NUP153: variants seen among roughly 807,000 people sequenced by gnomAD.
The protein encoded by NUP153 is nucleoporin 153.
A neutral mutation model predicts 134.6 loss-of-function variants in NUP153; 27 were observed. The observed-to-expected ratio is 0.20, with a 90% CI of 0.15 to 0.28. The LOEUF is 0.28. Ranked by LOEUF, NUP153 falls within the 10% of genes least tolerant of loss-of-function variation. NUP153 has a pLI of 1.00. For missense variants in NUP153, 1,821 were observed against 1,731.3 expected (o/e 1.05, Z -0.92); for synonymous variants, 640 against 623.5 (o/e 1.03, Z -0.40).
In NUP153 at chr6:17,629,378, C is replaced by T; in HGVS notation, c.2821G>A (p.Gly941Arg). The T allele has an allele frequency of 6.2e-7, 1 of 1,613,816 alleles. No homozygotes were observed. The highest frequency in any genetic ancestry group is 8.5e-7 in the Non-Finnish European group (1 of 1,179,886). ...GFKIGVSSDS[G>R]SINPMSEGFK... ...CCTTCACTCATGGGGTTTATAGACC[C>T]AGAATCGGATGACACACCTATTTTG... The change falls in exon 18 of 22, where the codon GGG (glycine) becomes AGG (arginine). Residue 941 changes from glycine to arginine, a missense_variant. Coordinates refer to ENST00000262077, the MANE Select transcript of NUP153 (RefSeq NM_005124.4).
Position 17,680,227 on chromosome 6 carries a change from G to T in NUP153, c.335-4457C>A, listed in dbSNP as rs1005403379. On this transcript the variant is annotated intron_variant, in intron 2 of 21. Transcript: ENST00000262077. The surrounding 1 kb of genome is among the most constrained non-coding windows in gnomAD (Gnocchi z 4.5). ...TTTCCATTACATGGGAAACCAAAGAGCCTGTGGTCTGTAATACTGTAATAA... is the reference window on the plus strand; with the variant it reads ...TTTCCATTACATGGGAAACCAAAGATCCTGTGGTCTGTAATACTGTAATAA... Among the ~76,000 whole-genome samples, 1 of 152,110 alleles carries T rather than the reference G, an allele frequency of 6.6e-6. No homozygotes were observed. The highest frequency in any genetic ancestry group is 2.4e-5 in the African/African-American group (1 of 41,418).
chr6:17,699,293 A>G (rs1013697892), intron 1 of NUP153, among the ~76,000 whole-genome samples: 1 of 150,938 alleles, frequency 6.6e-6, no homozygotes, highest in Admixed American at 6.6e-5. Context: ...TCAGGACTTC[A>G]AGACCAGCCT....
At chr6:17,637,798 C>T (rs372841653) in intron 15 of NUP153, 28 bp from the exon 16 acceptor site, 44 of 1,557,246 alleles carry the variant, frequency 2.8e-5, no homozygotes, top group Admixed American at 1.2e-4. Flanking sequence ...GAGAGTGCAA[C>T]GTTAGAGAAG....
At chr6:17,676,451 T>C (rs1171460171) in intron 2 of NUP153, among the ~76,000 whole-genome samples, 3 of 151,958 alleles carry the variant, frequency 2.0e-5, no homozygotes, top group East Asian at 3.8e-4. Context: ...TTAATGCGTG[T>C]TGAAGTTACT....
Position 17,675,232 on chromosome 6 carries a change from G to C in NUP153, c.720C>G (p.Ser240=), listed in dbSNP as rs368903679. 1 of 1,613,944 alleles carries C rather than the reference G, an allele frequency of 6.2e-7. No individual in the cohort carries two copies. The highest frequency in any genetic ancestry group is 8.5e-7 in the Non-Finnish European group (1 of 1,180,016). The change falls in exon 4 of 22, where the codon TCC becomes TCG. Residue 240 remains serine, a synonymous_variant. Transcript: ENST00000262077. The surrounding 1 kb of genome is among the most constrained non-coding windows in gnomAD (Gnocchi z 4.4). ...ATCCAACCCAGTTAGTACTCACAGG[G>C]GAAAGTGTTCCAAAGGCAGACAAGT... ...AFNLSAFGTL[S]PSLGNSSILK... is the part of the protein sequence containing the mutation.
chr6:17,678,777 C>G (rs867930176), intron 2 of NUP153, among the ~76,000 whole-genome samples: 1 of 151,960 alleles, frequency 6.6e-6, no homozygotes, highest in Non-Finnish European at 1.5e-5. Context: ...GACTTCATCT[C>G]TACTAAAAAT....
chr6:17,626,242 G>A (rs974271769), intron 18 of NUP153, 78 bp from the exon 19 acceptor site: 1 of 1,089,680 alleles, frequency 9.2e-7, no homozygotes, highest in Non-Finnish European at 1.3e-6. Flanking sequence ...CCCTACAATT[G>A]CTAGAATTTT....
At chr6:17,658,622 A>AGCCATTCTAT (rs1206805941) in intron 11 of NUP153, among the ~76,000 whole-genome samples, 14 of 152,218 alleles carry the variant, frequency 9.2e-5, no homozygotes, top group Non-Finnish European at 1.9e-4. Flanking sequence ...ACTCAACGTT[A>AGCCATTCTAT]GCCATTCTAT....
chr6:17,616,259 GCACAA>G, intron 21 of NUP153, 78 bp from the exon 22 acceptor site: 3 of 442,374 alleles, frequency 6.8e-6, no homozygotes, highest in South Asian at 1.9e-5. Context: ...ACCATGAGCA[GCACAA>G]GGGTAAGGGG....
At chr6:17,681,355 G>A (rs1768569298) in intron 2 of NUP153, among the ~76,000 whole-genome samples, 1 of 152,146 alleles carries the variant, frequency 6.6e-6, no homozygotes, top group African/African-American at 2.4e-5. Flanking sequence ...GGGAGGCCGA[G>A]GTGGGCGGAT....
chr6:17,618,505 C>G (rs575847493), intron 20 of NUP153, among the ~76,000 whole-genome samples: 21 of 150,866 alleles, frequency 1.4e-4, no homozygotes, highest in African/African-American at 5.1e-4. Context: ...AAGGAAACAT[C>G]CAGAAAATAA....
chr6:17,698,249 A>C (rs1368881940), intron 1 of NUP153, among the ~76,000 whole-genome samples: 1 of 152,188 alleles, frequency 6.6e-6, no homozygotes, highest in East Asian at 1.9e-4. Flanking sequence ...TAGGCTTATA[A>C]AATACAACCA....
At chr6:17,657,541 A>T (rs202022678) in intron 11 of NUP153, among the ~76,000 whole-genome samples, 5 of 151,908 alleles carry the variant, frequency 3.3e-5, no homozygotes, top group Non-Finnish European at 7.4e-5. Context: ...CTGGGCAACA[A>T]ATAGAGTGAG....
Position 17,648,603 on chromosome 6 carries a change from C to A in NUP153, c.1533+560G>T, listed in dbSNP as rs79996658. 3.2e-3 allele frequency among the ~76,000 whole-genome samples: 489 copies of A among 151,682 alleles called. 9 individuals are homozygous for A. Among genetic ancestry groups the A allele is most frequent in the Admixed American group, 0.022 (334 of 15,222 alleles). ...CTGCACTCCAGCCTGGGTGACAGGG[C>A]GAGACTCAAGCTGAAAAAATAAATA... On this transcript the variant is annotated intron_variant, in intron 12 of 21. Transcript: ENST00000262077.
chr6:17,639,915 A>C, intron 15 of NUP153, 24 bp downstream of exon 15: 1 of 1,581,814 alleles, frequency 6.3e-7, no homozygotes, highest in Non-Finnish European at 8.6e-7. Flanking sequence ...TGTAATCAAA[A>C]GGCTTATCTT....
At chr6:17,622,429 T>C (rs1223295561) in intron 20 of NUP153, among the ~76,000 whole-genome samples, 1 of 152,166 alleles carries the variant, frequency 6.6e-6, no homozygotes, top group Non-Finnish European at 1.5e-5. Context: ...TCCACCACTG[T>C]ACTCCAGTTT....
chr6:17,635,286 T>C (rs541821691), intron 16 of NUP153, among the ~76,000 whole-genome samples: 5 of 152,052 alleles, frequency 3.3e-5, no homozygotes, highest in Non-Finnish European at 2.9e-5. Flanking sequence ...ATTTTTTGTA[T>C]TGTTAGTAGA....
At chr6:17,682,435 C>A (rs937951808) in intron 2 of NUP153, among the ~76,000 whole-genome samples, 15 of 152,088 alleles carry the variant, frequency 9.9e-5, no homozygotes, top group African/African-American at 3.1e-4. Flanking sequence ...ACTGACTATT[C>A]CTTTAACGAA....
rs767192653 is a variant in NUP153, at chr6:17,663,939, CAA to C, written c.1215+1298_1215+1299del. Among the ~76,000 whole-genome samples the C allele has an allele frequency of 1.6e-3, 246 of 150,672 alleles. 1 individual carries two copies. The highest frequency in any genetic ancestry group is 6.8e-3 in the Middle Eastern group (2 of 294). ...AGAAATAAAAACATGTCCACACACA[CAA>C]ACACACAAAAAAACACTTATACATA... On this transcript the variant is annotated intron_variant, in intron 9 of 21. Coordinates refer to ENST00000262077, the MANE Select transcript of NUP153 (RefSeq NM_005124.4).
Sources: gnomAD v4.1 joint callset for allele counts (sites outside exome capture counted in the v4.1 genomes callset) on GRCh38, gnomAD v4.1.1 for gene constraint, Gnocchi (gnomAD v3.1) non-coding constraint, MANE v1.5 for transcripts, NCBI Gene and HGNC (gene_info 2026-07-23, HGNC 2026-07-21) for gene names.